The following ERBB4 variants were observed in gnomAD, a reference collection of about 807,000 sequenced individuals.
ERBB4 encodes receptor tyrosine-protein kinase erbB-4.
ERBB4 carries 42 observed loss-of-function variants against 158.0 expected under a neutral mutation model. The ratio of observed to expected loss-of-function variants is 0.27; its 90% CI spans 0.21 to 0.34. The LOEUF (loss-of-function observed/expected upper bound fraction) is 0.34. Among genes scored for constraint, ERBB4 ranks in the 10% least tolerant of loss-of-function variants. The pLI is 1.00. For synonymous variants in ERBB4, 583 were observed against 558.7 expected, an observed-to-expected ratio of 1.04 and a Z score of -0.61; for missense variants, 1,333 against 1,624.1, an observed-to-expected ratio of 0.82 and a Z score of 3.08.
Position 212,145,931 on chromosome 2 carries a change from C to T in ERBB4, c.83-21028G>A, listed in dbSNP as rs568612742. ...TCTTTCATTTCATCCTACCCTTGCT[C>T]GGACCCAGTGAACTTACACCCAATC... On this transcript the variant is annotated intron_variant, in intron 1 of 27. Transcript: ENST00000342788. Among the ~76,000 whole-genome samples, 9 of 152,138 alleles carry T rather than the reference C, an allele frequency of 5.9e-5. No individual in the cohort carries two copies. In the South Asian group the frequency reaches 1.0e-3, roughly 18 times the overall value.
chr2:211,859,696 G>T (rs1157909776), intron 3 of ERBB4, among the ~76,000 whole-genome samples: 2 of 152,090 alleles, frequency 1.3e-5, no homozygotes, highest in African/African-American at 4.8e-5. Context: ...CTCTGTGATT[G>T]CTTTGGAATT....
intron 1 of ERBB4, among the ~76,000 whole-genome samples, chr2:212,465,355 T>C (rs1204970596): frequency 1.3e-5 from 2 of 152,122 alleles, no homozygotes; most frequent in Admixed American, 6.6e-5. Context: ...AAGGCAAATA[T>C]GAATAAATGA....
intron 1 of ERBB4, among the ~76,000 whole-genome samples, chr2:212,162,958 G>A (rs893968908): frequency 1.3e-5 from 2 of 151,826 alleles, no homozygotes; most frequent in African/African-American, 2.4e-5. Context: ...TTCTTTTTGT[G>A]TCTTTTGGGT....
intron 25 of ERBB4, among the ~76,000 whole-genome samples, chr2:211,396,099 T>C (rs2062910457): frequency 6.6e-6 from 1 of 152,196 alleles, no homozygotes; most frequent in South Asian, 2.1e-4. Flanking sequence ...CTAGATATAG[T>C]TCCTTTTGTA....
At chr2:212,040,709 G>A (rs2077121469) in intron 2 of ERBB4, among the ~76,000 whole-genome samples, 2 of 152,034 alleles carry the variant, frequency 1.3e-5, no homozygotes, top group African/African-American at 4.8e-5. Context: ...ACAACTTAAT[G>A]AGCTTCTCTG....
At chr2:211,754,442 C>T (rs1023426293) in intron 4 of ERBB4, among the ~76,000 whole-genome samples, 1 of 144,334 alleles carries the variant, frequency 6.9e-6, no homozygotes, top group Admixed American at 7.2e-5. Flanking sequence ...CGCTCTGTTG[C>T]ACAGGCTGGA....
At chr2:212,107,448 C>G (rs930823990) in intron 2 of ERBB4, among the ~76,000 whole-genome samples, 1 of 152,092 alleles carries the variant, frequency 6.6e-6, no homozygotes, top group African/African-American at 2.4e-5. Flanking sequence ...GCCTGTATCC[C>G]CATTGTATCT....
chr2:211,656,005 T>C (rs984617402), intron 16 of ERBB4, among the ~76,000 whole-genome samples: 4 of 152,260 alleles, frequency 2.6e-5, no homozygotes. Flanking sequence ...GAAGAAATTA[T>C]GACTAAATTC....
At chr2:211,770,524 C>T (rs900934629) in intron 4 of ERBB4, among the ~76,000 whole-genome samples, 9 of 152,094 alleles carry the variant, frequency 5.9e-5, no homozygotes, top group Non-Finnish European at 1.3e-4. Context: ...TCAGTTATAG[C>T]ATGATATATT....
intron 1 of ERBB4, among the ~76,000 whole-genome samples, chr2:212,284,324 CTCTG>C (rs1008920260): frequency 2.0e-5 from 3 of 152,068 alleles, no homozygotes; most frequent in African/African-American, 4.8e-5. Flanking sequence ...TGCCTCTGAA[CTCTG>C]TCTAATTAGC....
chr2:212,331,027 T>C (rs548046142), intron 1 of ERBB4, among the ~76,000 whole-genome samples: 67 of 143,964 alleles, frequency 4.7e-4, no homozygotes, highest in African/African-American at 1.5e-3. Context: ...ATTAAAATAT[T>C]GTATCAGTAA....
chr2:211,653,856 A>C (rs769897802), intron 16 of ERBB4, among the ~76,000 whole-genome samples: 20 of 151,800 alleles, frequency 1.3e-4, no homozygotes, highest in Admixed American at 3.9e-4. Flanking sequence ...TTGTATTTTT[A>C]GTAGAGATGG....
chr2:211,958,968 T>C (rs1052460026), intron 2 of ERBB4, among the ~76,000 whole-genome samples: 5 of 152,064 alleles, frequency 3.3e-5, no homozygotes, highest in Non-Finnish European at 5.9e-5. Flanking sequence ...TTTTCAAACA[T>C]ACATAGAATC....
At chr2:211,621,867 G>T (rs959778213) in intron 18 of ERBB4, among the ~76,000 whole-genome samples, 15 of 151,972 alleles carry the variant, frequency 9.9e-5, no homozygotes, top group Non-Finnish European at 2.1e-4. Flanking sequence ...TTGGTAACAG[G>T]CAGGAAGCCC....
chr2:212,066,989 T>C (rs983593452), intron 2 of ERBB4, among the ~76,000 whole-genome samples: 3 of 151,988 alleles, frequency 2.0e-5, no homozygotes, highest in African/African-American at 7.2e-5. Flanking sequence ...TAAGAAAGAA[T>C]TATGGTTTTT....
intron 1 of ERBB4, among the ~76,000 whole-genome samples, chr2:212,187,251 T>C (rs1460903381): frequency 6.6e-6 from 1 of 152,058 alleles, no homozygotes; most frequent in East Asian, 1.9e-4. Flanking sequence ...ATTTAAGATA[T>C]TGTGTCACAA....
At chr2:211,604,407 T>C (rs577674587) in intron 19 of ERBB4, among the ~76,000 whole-genome samples, 4 of 152,304 alleles carry the variant, frequency 2.6e-5, no homozygotes, top group African/African-American at 9.6e-5. Context: ...TACTGACATA[T>C]TCCTAAATTT....
rs756613393 is a variant in ERBB4 at position 212,335,617 on chromosome 2, G to T, written c.82+202832C>A. On this transcript the variant is annotated intron_variant, in intron 1 of 27. Transcript: ENST00000342788. ...TTATGAATTAATATGGAATAAACAAGAAAAATTTTACTTAACATTTCGTAG... is the reference window on the plus strand; with the variant it reads ...TTATGAATTAATATGGAATAAACAATAAAAATTTTACTTAACATTTCGTAG... Among the ~76,000 whole-genome samples the T allele has an allele frequency of 4.3e-4, 65 of 152,042 alleles. No homozygotes were observed. The Middle Eastern group carries it at 0.017, about 40-fold the overall frequency.
intron 25 of ERBB4, 99 bp downstream of exon 25, chr2:211,420,342 T>C (rs1325642083): frequency 4.2e-5 from 36 of 854,150 alleles, no homozygotes; most frequent in Admixed American, 6.2e-5. Flanking sequence ...TCACATTGAT[T>C]TGAGCTATAT....
Sources: allele counts gnomAD v4.1 joint callset (sites outside exome capture counted in the v4.1 genomes callset), GRCh38; gene constraint gnomAD v4.1.1; transcripts MANE v1.5; gene names NCBI Gene and HGNC (gene_info 2026-07-23, HGNC 2026-07-21).